TMEM178B: variants seen among roughly 807,000 people sequenced by gnomAD.
TMEM178B encodes the protein transmembrane protein 178B.
In TMEM178B, 5 loss-of-function variants were observed where a neutral mutation model predicts 31.0. That is an observed-to-expected ratio of 0.16 (90% CI 0.08 to 0.34). The LOEUF is 0.34. Ranked by LOEUF, TMEM178B falls within the 10% of genes least tolerant of loss-of-function variation. The pLI, the probability that TMEM178B is intolerant of heterozygous loss-of-function variation, is 1.00. For missense variants in TMEM178B, 275 were observed against 400.3 expected, an observed-to-expected ratio of 0.69 and a Z score of 2.67; for synonymous variants, 164 against 164.0, an observed-to-expected ratio of 1.00 and a Z score of 0.00.
At chr7:141,427,628 A>C (rs1467337775) in intron 2 of TMEM178B, among the ~76,000 whole-genome samples, 2 of 152,240 alleles carry the variant, frequency 1.3e-5, no homozygotes, top group Non-Finnish European at 2.9e-5. Context: ...GAAATGTTTC[A>C]TGACATTGGT....
chr7:141,099,792 C>T (rs1401428432), intron 1 of TMEM178B, among the ~76,000 whole-genome samples: 2 of 151,740 alleles, frequency 1.3e-5, no homozygotes, highest in Non-Finnish European at 2.9e-5. Context: ...GGGTCACTGG[C>T]CCCTTTGGAG....
At chr7:141,467,703 G>C (rs959347027) in intron 3 of TMEM178B, among the ~76,000 whole-genome samples, 10 of 152,186 alleles carry the variant, frequency 6.6e-5, no homozygotes, top group Non-Finnish European at 1.3e-4. Context: ...TGCTTGCCCA[G>C]TATCTGGGGC....
Position 141,461,854 on chromosome 7 carries a change from T to C in TMEM178B, c.635-8682T>C, listed in dbSNP as rs1198912275. Among the ~76,000 whole-genome samples the C allele has an allele frequency of 1.3e-5, 2 of 152,210 alleles. No homozygotes were observed. The highest frequency in any genetic ancestry group is 2.4e-5 in the African/African-American group (1 of 41,448). ...ATCAACTCAGAAATATTTTGGTCATTAACCTTTAAGGTGGTACTAGGAAAG... is the reference window on the plus strand; with the variant it reads ...ATCAACTCAGAAATATTTTGGTCATCAACCTTTAAGGTGGTACTAGGAAAG... On this transcript the variant is annotated intron_variant, in intron 3 of 3. Transcript: ENST00000565468. The surrounding 1 kb of genome is among the most constrained non-coding windows in gnomAD (Gnocchi z 4.0).
At chr7:141,316,584 C>T (rs893163909) in intron 2 of TMEM178B, among the ~76,000 whole-genome samples, 2 of 152,046 alleles carry the variant, frequency 1.3e-5, no homozygotes, top group African/African-American at 4.8e-5. Context: ...CACACACTTA[C>T]ACACATACAC....
At chr7:141,188,815 G>A (rs1291449158) in intron 1 of TMEM178B, among the ~76,000 whole-genome samples, 4 of 152,192 alleles carry the variant, frequency 2.6e-5, no homozygotes, top group South Asian at 4.1e-4. Flanking sequence ...GATGCACTGC[G>A]GATTGAAGAT....
At chr7:141,346,236 A>C (rs1024234003) in intron 2 of TMEM178B, among the ~76,000 whole-genome samples, 1 of 152,112 alleles carries the variant, frequency 6.6e-6, no homozygotes, top group Non-Finnish European at 1.5e-5. Context: ...AACAAACAAA[A>C]AAAACCAAAA....
chr7:141,428,919 T>C (rs913955715), intron 2 of TMEM178B, among the ~76,000 whole-genome samples: 5 of 152,188 alleles, frequency 3.3e-5, no homozygotes, highest in African/African-American at 1.2e-4. Flanking sequence ...GAGGCAAGGA[T>C]TGAGTTTGCT....
chr7:141,435,932 C>G (rs1027324152), intron 2 of TMEM178B, among the ~76,000 whole-genome samples: 1 of 152,140 alleles, frequency 6.6e-6, no homozygotes, highest in Non-Finnish European at 1.5e-5. Flanking sequence ...GGAGCCCTGT[C>G]CTCCTTCCTC....
chr7:141,278,059 T>C (rs961442602), intron 2 of TMEM178B, among the ~76,000 whole-genome samples: 4 of 152,240 alleles, frequency 2.6e-5, no homozygotes, highest in African/African-American at 9.6e-5. Context: ...AGAATTCTTC[T>C]TAGATTTAAA....
At chr7:141,481,516 A>G (rs1802473898), downstream of TMEM178B, among the ~76,000 whole-genome samples, 1 of 152,188 alleles carries the variant, frequency 6.6e-6, no homozygotes, top group South Asian at 2.1e-4. Context: ...TGTCGTGGCT[A>G]GTAGCCTCTG....
intron 1 of TMEM178B, among the ~76,000 whole-genome samples, chr7:141,150,855 T>C (rs1348918404): frequency 2.6e-5 from 4 of 152,212 alleles, no homozygotes; most frequent in Non-Finnish European, 5.9e-5. Context: ...ATACACTTGG[T>C]GTAGACCTTG....
the TMEM178B span, among the ~76,000 whole-genome samples, chr7:141,496,205 C>T: frequency 1.3e-5 from 2 of 152,286 alleles, no homozygotes; most frequent in Non-Finnish European, 2.9e-5. Flanking sequence ...AAATTTTCCC[C>T]TTATAGTTGG....
chr7:141,180,390 GT>G (rs1398410613), intron 1 of TMEM178B, among the ~76,000 whole-genome samples: 1 of 150,164 alleles, frequency 6.7e-6, no homozygotes, highest in Non-Finnish European at 1.5e-5. Context: ...AACCCAGGAG[GT>G]GGAGTTTGCA....
At chr7:141,156,545 G>A (rs1386888924) in intron 1 of TMEM178B, among the ~76,000 whole-genome samples, 1 of 152,200 alleles carries the variant, frequency 6.6e-6, no homozygotes, top group Non-Finnish European at 1.5e-5. Context: ...AGATGATGGG[G>A]TTAATGGATT....
intron 1 of TMEM178B, among the ~76,000 whole-genome samples, chr7:141,111,429 C>T (rs1175172628): frequency 6.6e-6 from 1 of 152,182 alleles, no homozygotes; most frequent in African/African-American, 2.4e-5. Context: ...CAGCCTGAGC[C>T]AGCAAATACA....
chr7:141,269,601 T>G (rs1378670039), intron 2 of TMEM178B, among the ~76,000 whole-genome samples: 1 of 152,228 alleles, frequency 6.6e-6, no homozygotes, highest in Non-Finnish European at 1.5e-5. Context: ...TATTTTTATC[T>G]TTTAATCTTT....
At chr7:141,076,828 C>T (rs1439792803) in intron 1 of TMEM178B, among the ~76,000 whole-genome samples, 1 of 152,266 alleles carries the variant, frequency 6.6e-6, no homozygotes, top group South Asian at 2.1e-4. Context: ...TTCCCCATCG[C>T]CCAAAATACA....
At chr7:141,337,144 CAT>C (rs1162514765) in intron 2 of TMEM178B, among the ~76,000 whole-genome samples, 21 of 27,334 alleles carry the variant, frequency 7.7e-4, no homozygotes, top group Non-Finnish European at 9.8e-4. Context: ...CCACCACCAT[CAT>C]CACCACCACC....
At chr7:141,493,203 C>T in the TMEM178B span, among the ~76,000 whole-genome samples, 1 of 152,248 alleles carries the variant, frequency 6.6e-6, no homozygotes, top group Non-Finnish European at 1.5e-5. Flanking sequence ...GCAGTCTCTC[C>T]CCTCCTCACG....
Sources: allele counts gnomAD v4.1 joint callset (sites outside exome capture counted in the v4.1 genomes callset), GRCh38; gene constraint gnomAD v4.1.1; non-coding constraint Gnocchi (gnomAD v3.1); transcripts MANE v1.5; gene names NCBI Gene and HGNC (gene_info 2026-07-23, HGNC 2026-07-21).